Variants in FCHSD2 observed in about 807,000 individuals in gnomAD.
FCHSD2 encodes FCH and double SH3 domains 2.
Under a neutral mutation model 108.1 loss-of-function variants are expected in FCHSD2, and 38 were observed. That is an observed-to-expected ratio of 0.35 (90% confidence interval 0.27 to 0.46). The LOEUF (loss-of-function observed/expected upper bound fraction) is 0.46. FCHSD2 is among the 20% of genes least tolerant of loss of function. The pLI, the probability that FCHSD2 is intolerant of heterozygous loss-of-function variation, is 1.00. For synonymous variants in FCHSD2, 279 were observed against 314.7 expected, an observed-to-expected ratio of 0.89 and a Z score of 1.20; for missense variants, 751 against 897.8, an observed-to-expected ratio of 0.84 and a Z score of 2.09.
intron 12 of FCHSD2, among the ~76,000 whole-genome samples, chr11:72,879,263 C>T (rs1855031091): frequency 6.6e-6 from 1 of 152,118 alleles, no homozygotes; most frequent in Non-Finnish European, 1.5e-5. Context: ...AAGCAAGCTT[C>T]GAAATGATCA....
At chr11:73,058,722 A>C (rs1020946216) in intron 3 of FCHSD2, among the ~76,000 whole-genome samples, 6 of 151,080 alleles carry the variant, frequency 4.0e-5, no homozygotes, top group African/African-American at 1.5e-4. Flanking sequence ...CAGCCTCCCG[A>C]GTACCTGGCT....
At chr11:73,090,282 G>C (rs187471323) in intron 2 of FCHSD2, among the ~76,000 whole-genome samples, 1 of 128,994 alleles carries the variant, frequency 7.8e-6, no homozygotes, top group African/African-American at 3.0e-5. Flanking sequence ...CTGGAGTGCA[G>C]TGGCGGGATC....
At chr11:73,073,046 TC>T (rs1859471316) in intron 3 of FCHSD2, among the ~76,000 whole-genome samples, 1 of 152,206 alleles carries the variant, frequency 6.6e-6, no homozygotes, top group African/African-American at 2.4e-5. Flanking sequence ...ACAGTAACCT[TC>T]TGTATCCTTC....
intron 2 of FCHSD2, among the ~76,000 whole-genome samples, chr11:73,107,834 T>A (rs1422099334): frequency 6.6e-6 from 1 of 152,236 alleles, no homozygotes; most frequent in East Asian, 1.9e-4. Context: ...ATGTTTTCTT[T>A]ATCCATTTAT....
rs138669194 is a variant in FCHSD2, at chr11:72,839,561, G to T, written c.2140-687C>A. 6.6e-5 allele frequency among the ~76,000 whole-genome samples: 10 copies of T among 152,258 alleles called. No individual in the cohort carries two copies. In the East Asian group the frequency reaches 1.9e-3, roughly 29 times the overall value. The stretch of plus-strand genomic sequence containing the variant: ...GGAAAGATTTGCGAGCTCTCTGCAA[G>T]GTATACCTGGCAGGATTTGGGAATG... On this transcript the variant is annotated intron_variant, in intron 19 of 19. Coordinates refer to ENST00000409418, the MANE Select transcript of FCHSD2 (RefSeq NM_014824.3).
intron 3 of FCHSD2, among the ~76,000 whole-genome samples, chr11:73,070,714 C>T (rs1412061962): frequency 6.6e-6 from 1 of 151,622 alleles, no homozygotes; most frequent in East Asian, 1.9e-4. Context: ...GCGTGAGCCA[C>T]CATACCCGGC....
chr11:73,076,866 T>C (rs1447524380), intron 3 of FCHSD2, among the ~76,000 whole-genome samples: 1 of 152,072 alleles, frequency 6.6e-6, no homozygotes, highest in Admixed American at 6.6e-5. Context: ...ATCCCAACAC[T>C]TTGGGAGGCC....
At chr11:72,888,937 T>A (rs974316134) in intron 11 of FCHSD2, among the ~76,000 whole-genome samples, 2 of 147,766 alleles carry the variant, frequency 1.4e-5, no homozygotes, top group African/African-American at 2.5e-5. Context: ...TATATTTTCA[T>A]GAAATCTATA....
At chr11:73,001,882 T>C (rs1390300909) in intron 4 of FCHSD2, among the ~76,000 whole-genome samples, 1 of 152,222 alleles carries the variant, frequency 6.6e-6, no homozygotes, top group East Asian at 1.9e-4. Flanking sequence ...TATTAATCCT[T>C]TGCTTTTTCT....
chr11:72,947,801 A>G (rs1330629545), intron 8 of FCHSD2, among the ~76,000 whole-genome samples: 1 of 151,760 alleles, frequency 6.6e-6, no homozygotes, highest in Non-Finnish European at 1.5e-5. Context: ...AACAAAAATC[A>G]CAGGTAATCT....
chr11:73,045,353 A>G (rs964488815), intron 3 of FCHSD2, among the ~76,000 whole-genome samples: 2 of 149,824 alleles, frequency 1.3e-5, no homozygotes, highest in African/African-American at 4.9e-5. Context: ...TGTGGAAGTC[A>G]GTGTGGCGAT....
intron 3 of FCHSD2, among the ~76,000 whole-genome samples, chr11:73,044,246 C>T (rs548219793): frequency 2.0e-5 from 3 of 152,182 alleles, no homozygotes; most frequent in South Asian, 2.1e-4. Flanking sequence ...CACTTATTAA[C>T]GCTGAATTCC....
At chr11:72,872,173 T>C (rs1854873512) in intron 12 of FCHSD2, among the ~76,000 whole-genome samples, 1 of 152,030 alleles carries the variant, frequency 6.6e-6, no homozygotes, top group Admixed American at 6.5e-5. Context: ...AATTGGTAAA[T>C]ACTCTTGCAA....
At position 72,840,900 on chromosome 11, in the gene FCHSD2, T is replaced by G; in HGVS notation, c.2116A>C (p.Thr706Pro). 1 of 1,612,820 alleles carries G rather than the reference T, an allele frequency of 6.2e-7. No individual in the cohort carries two copies. Among genetic ancestry groups the G allele is most frequent in the Non-Finnish European group, 8.5e-7 (1 of 1,178,872 alleles). Residue 706 changes from threonine (T) to proline (P), a missense_variant, in exon 19 of 20, where the codon ACC (threonine) becomes CCC (proline). Thr to Pro is a conservative substitution (Grantham distance 38). Transcript: ENST00000409418. ...FSQASRHTPE[T>P]SYGKLRPVRA... Reference sequence around the variant, plus strand: ...ACAGGTCGCAGTTTGCCATATGAGGTCTCAGGAGTATGCCTTGATGCCTGT... The same window carrying G: ...ACAGGTCGCAGTTTGCCATATGAGGGCTCAGGAGTATGCCTTGATGCCTGT...
intron 4 of FCHSD2, among the ~76,000 whole-genome samples, chr11:73,013,495 C>T (rs1001488899): frequency 4.6e-5 from 7 of 152,234 alleles, no homozygotes; most frequent in African/African-American, 1.7e-4. Context: ...CTACTTTAAC[C>T]GCTGACATGT....
chr11:72,952,153 T>A (rs1385032049), intron 8 of FCHSD2, among the ~76,000 whole-genome samples: 3 of 152,200 alleles, frequency 2.0e-5, no homozygotes, highest in Non-Finnish European at 4.4e-5. Flanking sequence ...CTTTAACTTA[T>A]ATTGGTCTTG....
intron 3 of FCHSD2, among the ~76,000 whole-genome samples, chr11:73,035,808 C>T (rs1858482581): frequency 6.6e-6 from 1 of 151,756 alleles, no homozygotes; most frequent in Non-Finnish European, 1.5e-5. Flanking sequence ...GCAACCTCTG[C>T]CTCCCAGATT....
intron 2 of FCHSD2, among the ~76,000 whole-genome samples, chr11:73,110,914 T>C (rs998802423): frequency 5.3e-5 from 8 of 152,222 alleles, no homozygotes; most frequent in Admixed American, 1.3e-4. Context: ...TCCTCCTTAA[T>C]TTCTTCATTA....
chr11:73,031,726 C>G (rs1858365873), intron 3 of FCHSD2, among the ~76,000 whole-genome samples: 1 of 152,196 alleles, frequency 6.6e-6, no homozygotes, highest in African/African-American at 2.4e-5. Flanking sequence ...AGTCCACACT[C>G]CCGTTATTCT....
Sources: allele counts gnomAD v4.1 joint callset (sites outside exome capture counted in the v4.1 genomes callset), GRCh38; gene constraint gnomAD v4.1.1; transcripts MANE v1.5; gene names NCBI Gene and HGNC (gene_info 2026-07-23, HGNC 2026-07-21).